SBF2: variants seen among roughly 807,000 people sequenced by gnomAD.
SBF2 encodes the protein myotubularin-related protein 13.
Under a neutral mutation model 225.2 loss-of-function variants are expected in SBF2, and 112 were observed. The observed-to-expected ratio is 0.50, with a 90% CI of 0.43 to 0.58. The LOEUF (loss-of-function observed/expected upper bound fraction) is 0.58. Among genes scored for constraint, SBF2 ranks in the 20% least tolerant of loss-of-function variants. The pLI, the probability that SBF2 is intolerant of heterozygous loss-of-function variation, is 0.00. For synonymous variants in SBF2, 763 were observed against 773.3 expected (o/e 0.99, Z 0.22); for missense variants, 1,996 against 2,206.2 (o/e 0.90, Z 1.91).
intron 2 of SBF2, among the ~76,000 whole-genome samples, chr11:10,132,372 G>A (rs1047118068): frequency 3.3e-5 from 5 of 152,126 alleles, no homozygotes; most frequent in African/African-American, 1.2e-4. Flanking sequence ...GAATGAAGCC[G>A]TGGACCCTCG....
At chr11:10,080,797 G>A (rs568677561) in intron 2 of SBF2, among the ~76,000 whole-genome samples, 2 of 151,776 alleles carry the variant, frequency 1.3e-5, no homozygotes, top group Non-Finnish European at 2.9e-5. Context: ...AAAATCAAAC[G>A]CAAGCAGAAA....
chr11:10,300,235 G>A (rs56962991), intron 1 of SBF2, among the ~76,000 whole-genome samples: 2,247 of 152,298 alleles, frequency 0.015, 58 homozygotes, highest in African/African-American at 0.051. Flanking sequence ...AGCTCGTTGA[G>A]GGTAAGTTTG....
intron 8 of SBF2, among the ~76,000 whole-genome samples, chr11:9,999,456 G>T (rs184956866): frequency 6.6e-6 from 1 of 152,198 alleles, no homozygotes; most frequent in East Asian, 1.9e-4. Flanking sequence ...GAGTAGCTGG[G>T]ATTACAGGCA....
At chr11:10,251,330 T>TA (rs959169854) in intron 1 of SBF2, among the ~76,000 whole-genome samples, 2 of 152,158 alleles carry the variant, frequency 1.3e-5, no homozygotes, top group Non-Finnish European at 2.9e-5. Flanking sequence ...GAGGCAATAA[T>TA]AAAAAATGTA....
chr11:9,876,412 G>A (rs901812089), intron 17 of SBF2, among the ~76,000 whole-genome samples: 3 of 152,116 alleles, frequency 2.0e-5, no homozygotes, highest in Non-Finnish European at 2.9e-5. Flanking sequence ...CATCCAGCGT[G>A]CCCATATTTG....
chr11:9,784,954 G>T, intron 37 of SBF2, 171 bp downstream of exon 37: 2 of 692,848 alleles, frequency 2.9e-6, no homozygotes, highest in Admixed American at 4.9e-5. Flanking sequence ...TGTAATTTTT[G>T]TTTTTTGTCT....
chr11:9,833,100 A>G (rs1481604904), intron 26 of SBF2, among the ~76,000 whole-genome samples: 2 of 152,256 alleles, frequency 1.3e-5, no homozygotes, highest in Admixed American at 1.3e-4. Context: ...GCATGCCAAT[A>G]TTAGACTGCC....
At chr11:10,051,848 G>T (rs932047324) in intron 2 of SBF2, among the ~76,000 whole-genome samples, 1 of 152,074 alleles carries the variant, frequency 6.6e-6, no homozygotes, top group Non-Finnish European at 1.5e-5. Flanking sequence ...AGATTTGGGA[G>T]TATCAGAATA....
chr11:10,287,655 G>A (rs1963887816), intron 1 of SBF2, among the ~76,000 whole-genome samples: 1 of 152,196 alleles, frequency 6.6e-6, no homozygotes, highest in Non-Finnish European at 1.5e-5. Flanking sequence ...TCACTTAAAA[G>A]AGTAAATTTT....
intron 27 of SBF2, among the ~76,000 whole-genome samples, chr11:9,831,797 A>G (rs1855416032): frequency 6.6e-6 from 1 of 152,170 alleles, no homozygotes; most frequent in Non-Finnish European, 1.5e-5. Flanking sequence ...TGTGCGTATG[A>G]CTTGTAAGAG....
intron 1 of SBF2, among the ~76,000 whole-genome samples, chr11:10,284,653 C>T (rs1963628169): frequency 1.3e-5 from 2 of 152,138 alleles, no homozygotes; most frequent in Non-Finnish European, 2.9e-5. Context: ...TTCCGTTACC[C>T]AGGCTGGAGT....
At chr11:9,977,670 C>T (rs914380558) in intron 13 of SBF2, among the ~76,000 whole-genome samples, 5 of 152,112 alleles carry the variant, frequency 3.3e-5, no homozygotes, top group African/African-American at 1.2e-4. Context: ...ATCTTTTTTA[C>T]AATAATCTTT....
chr11:10,292,472 G>T (rs1390374191), intron 1 of SBF2, among the ~76,000 whole-genome samples: 1 of 152,094 alleles, frequency 6.6e-6, no homozygotes, highest in African/African-American at 2.4e-5. Context: ...ACGAGATCAG[G>T]AGTTCAAGAC....
At chr11:10,127,324 GTGTC>G (rs1953803584) in intron 2 of SBF2, among the ~76,000 whole-genome samples, 1 of 152,080 alleles carries the variant, frequency 6.6e-6, no homozygotes, top group Non-Finnish European at 1.5e-5. Flanking sequence ...TACTGACAAA[GTGTC>G]TGGCTCTCTC....
At chr11:10,225,888 T>G (rs925582828) in intron 1 of SBF2, among the ~76,000 whole-genome samples, 20 of 152,132 alleles carry the variant, frequency 1.3e-4, no homozygotes, top group African/African-American at 1.9e-4. Context: ...CCCCACAGTT[T>G]GAAATAAAAT....
At position 9,934,618 on chromosome 11, in the gene SBF2, C is replaced by T. The variant is rs146986257; in HGVS notation, c.1860+27339G>A. 2.7e-3 allele frequency among the ~76,000 whole-genome samples: 404 copies of T among 152,256 alleles called. 4 individuals are homozygous for T. Among genetic ancestry groups the T allele is most frequent in the Admixed American group, 0.023 (354 of 15,282 alleles). On this transcript the variant is annotated intron_variant, in intron 16 of 39. Coordinates refer to ENST00000256190, the MANE Select transcript of SBF2 (RefSeq NM_030962.4). ...AAAAGCTTATCCACCACGATCAAGT[C>T]GGCTTCATCCCTGGGGTGCAAGGCT...
rs150107754 is a variant in SBF2 at position 9,979,002 on chromosome 11, C to T, written c.1396-10457G>A. Among the ~76,000 whole-genome samples the T allele has an allele frequency of 6.6e-3, 1,003 of 152,298 alleles. 8 individuals are homozygous for T. Among genetic ancestry groups the T allele is most frequent in the Middle Eastern group, 0.024 (7 of 294 alleles). On this transcript the variant is annotated intron_variant, in intron 13 of 39. Coordinates refer to ENST00000256190, the MANE Select transcript of SBF2 (RefSeq NM_030962.4). ...CAACAGAGTGAGATCTTGTCTCAAA[C>T]AAACAAAAAGAACAACATGTAAAGT...
At chr11:10,066,643 G>A (rs1950634223) in intron 2 of SBF2, among the ~76,000 whole-genome samples, 1 of 152,168 alleles carries the variant, frequency 6.6e-6, no homozygotes, top group Admixed American at 6.6e-5. Context: ...GAGCATTGAT[G>A]TGAAATCCAC....
chr11:9,813,058 G>C (rs1037831747), intron 29 of SBF2, among the ~76,000 whole-genome samples: 1 of 152,136 alleles, frequency 6.6e-6, no homozygotes, highest in African/African-American at 2.4e-5. Context: ...CATGAACCTG[G>C]AAGTTTAAAG....
Sources: allele counts gnomAD v4.1 joint callset (sites outside exome capture counted in the v4.1 genomes callset), GRCh38; gene constraint gnomAD v4.1.1; transcripts MANE v1.5; gene names NCBI Gene and HGNC (gene_info 2026-07-23, HGNC 2026-07-21).